The following DLC1 variants were observed in gnomAD, a reference collection of about 807,000 sequenced individuals.
DLC1 encodes rho GTPase-activating protein 7.
Under a neutral mutation model 140.3 loss-of-function variants are expected in DLC1, and 54 were observed. The ratio of observed to expected loss-of-function variants is 0.38; its 90% CI spans 0.31 to 0.48. DLC1 has a LOEUF of 0.48. Ranked by LOEUF, DLC1 falls within the 20% of genes least tolerant of loss-of-function variation. DLC1 has a pLI of 0.96. For synonymous variants in DLC1, 986 were observed against 728.1 expected (o/e 1.35, Z -5.70); for missense variants, 2,536 against 1,907.0 (o/e 1.33, Z -6.14).
At chr8:13,290,667 T>G (rs979115244) in intron 5 of DLC1, among the ~76,000 whole-genome samples, 78 of 152,226 alleles carry the variant, frequency 5.1e-4, no homozygotes, top group African/African-American at 1.8e-3. Flanking sequence ...CTGGAGTGTT[T>G]GGGGGAAAAG....
intron 5 of DLC1, among the ~76,000 whole-genome samples, chr8:13,256,058 T>C (rs1426561876): frequency 6.6e-6 from 1 of 152,186 alleles, no homozygotes; most frequent in Non-Finnish European, 1.5e-5. Flanking sequence ...AAAAAGATGA[T>C]GTAGATTATT....
chr8:13,261,356 G>C (rs1830460157), intron 5 of DLC1, among the ~76,000 whole-genome samples: 1 of 152,092 alleles, frequency 6.6e-6, no homozygotes, highest in African/African-American at 2.4e-5. Flanking sequence ...GTATAGAATG[G>C]GAAAGGATAG....
intron 2 of DLC1, among the ~76,000 whole-genome samples, chr8:13,485,775 G>A (rs1563388649): frequency 6.6e-6 from 1 of 152,086 alleles, no homozygotes; most frequent in South Asian, 2.1e-4. Flanking sequence ...AATAACTATC[G>A]GGTATGAAAT....
intron 5 of DLC1, among the ~76,000 whole-genome samples, chr8:13,150,897 A>T (rs1436516521): frequency 6.6e-6 from 1 of 152,246 alleles, no homozygotes; most frequent in Non-Finnish European, 1.5e-5. Flanking sequence ...AGCCTTCATA[A>T]GTAATAGTGA....
chr8:13,348,841 G>C (rs958078126), intron 4 of DLC1, among the ~76,000 whole-genome samples: 1 of 152,138 alleles, frequency 6.6e-6, no homozygotes, highest in Non-Finnish European at 1.5e-5. Flanking sequence ...TATGCTAAAG[G>C]CTGCAGAGAG....
chr8:13,228,154 A>G (rs555926952), intron 5 of DLC1, among the ~76,000 whole-genome samples: 3 of 152,194 alleles, frequency 2.0e-5, no homozygotes, highest in African/African-American at 7.2e-5. Context: ...TGATGGCTTT[A>G]CTAACTAAGC....
intron 4 of DLC1, among the ~76,000 whole-genome samples, chr8:13,324,151 T>G (rs184041754): frequency 2.0e-5 from 3 of 152,316 alleles, no homozygotes; most frequent in Non-Finnish European, 4.4e-5. Context: ...TTGTTGTTGT[T>G]GCTGCAGATT....
intron 5 of DLC1, among the ~76,000 whole-genome samples, chr8:13,289,826 A>T (rs912047907): frequency 1.3e-5 from 2 of 152,154 alleles, no homozygotes; most frequent in Non-Finnish European, 2.9e-5. Flanking sequence ...GTACAGCCCC[A>T]TTCTCTTTTT....
At chr8:13,542,371 A>T (rs947909341) in intron 1 of DLC1, among the ~76,000 whole-genome samples, 1 of 152,094 alleles carries the variant, frequency 6.6e-6, no homozygotes, top group Non-Finnish European at 1.5e-5. Context: ...GCGTAGGTCT[A>T]TTTCTGGGCA....
chr8:13,288,398 C>G (rs184958111), intron 5 of DLC1, among the ~76,000 whole-genome samples: 1 of 152,154 alleles, frequency 6.6e-6, no homozygotes, highest in Non-Finnish European at 1.5e-5. Context: ...CATTTTTCCA[C>G]TCTTCTCTCC....
intron 5 of DLC1, among the ~76,000 whole-genome samples, chr8:13,256,932 C>T (rs1245589881): frequency 2.0e-5 from 3 of 147,496 alleles, no homozygotes; most frequent in Non-Finnish European, 3.0e-5. Context: ...ATACGCAGAA[C>T]TGCCTTGGAG....
At chr8:13,267,965 T>C (rs1283017703) in intron 5 of DLC1, among the ~76,000 whole-genome samples, 1 of 152,148 alleles carries the variant, frequency 6.6e-6, no homozygotes, top group Non-Finnish European at 1.5e-5. Context: ...TTATTAAGAG[T>C]GTTTCTGTTG....
At chr8:13,576,183 A>T (rs1346061082) in intron 1 of DLC1, among the ~76,000 whole-genome samples, 1 of 152,222 alleles carries the variant, frequency 6.6e-6, no homozygotes, top group African/African-American at 2.4e-5. Flanking sequence ...TATAGTTTTA[A>T]TACTCTACAT....
intron 1 of DLC1, among the ~76,000 whole-genome samples, chr8:13,588,664 C>T (rs1408167325): frequency 6.6e-6 from 1 of 152,014 alleles, no homozygotes; most frequent in Non-Finnish European, 1.5e-5. Context: ...GTACAATTTA[C>T]CTCTAACTTT....
At chr8:13,316,640 C>T (rs957281197) in intron 4 of DLC1, among the ~76,000 whole-genome samples, 1 of 152,056 alleles carries the variant, frequency 6.6e-6, no homozygotes, top group Non-Finnish European at 1.5e-5. Flanking sequence ...CTGGATCCCA[C>T]TCGGCACGAT....
chr8:13,090,384 A>G lies in DLC1; in HGVS notation c.3942T>C (p.Gly1314=), dbSNP rs1817949594. 1.9e-6 allele frequency: 3 copies of G among 1,614,024 alleles called. No individual in the cohort carries two copies. The Admixed American group carries it at 5.0e-5, about 27-fold the overall frequency. ...GTTGGTAGTCAGCTGAGTCATCATT[A>G]CCCAGGTGCCCGAGTGCTTCCAGAG... is the stretch of plus-strand genomic sequence containing the variant. ...PLTLEALGHL[G]NDDSADYQHF... Residue 1314 remains glycine (G), a synonymous_variant, in exon 15 of 18, where the codon GGT becomes GGC. Transcript: ENST00000276297.
intron 4 of DLC1, among the ~76,000 whole-genome samples, chr8:13,353,067 C>G (rs1406923485): frequency 6.6e-6 from 1 of 152,108 alleles, no homozygotes; most frequent in Non-Finnish European, 1.5e-5. Flanking sequence ...TGATGTTACT[C>G]TGCTTCCTTA....
At chr8:13,557,678 C>T (rs560319097) in intron 1 of DLC1, 30 of 152,502 alleles carry the variant, frequency 2.0e-4, no homozygotes, top group African/African-American at 6.7e-4. Flanking sequence ...ACCCCTTCAC[C>T]TTCTGCCATG....
intron 5 of DLC1, among the ~76,000 whole-genome samples, chr8:13,130,335 T>A (rs2128962317): frequency 6.6e-6 from 1 of 152,318 alleles, no homozygotes; most frequent in East Asian, 1.9e-4. Flanking sequence ...AGAGTTTAAG[T>A]ACTATATACA....
Sources: allele counts gnomAD v4.1 joint callset (sites outside exome capture counted in the v4.1 genomes callset), GRCh38; gene constraint gnomAD v4.1.1; transcripts MANE v1.5; gene names NCBI Gene and HGNC (gene_info 2026-07-23, HGNC 2026-07-21).